Variants in ATP10B observed in about 807,000 individuals in gnomAD.
ATP10B encodes phospholipid-transporting ATPase VB.
In ATP10B, 122 loss-of-function variants were observed where a neutral mutation model predicts 141.2. The observed-to-expected ratio is 0.86, with a 90% confidence interval of 0.75 to 1.00. ATP10B has a LOEUF of 1.00. Ranked by LOEUF, ATP10B falls within the 50% of genes least tolerant of loss-of-function variation. The pLI is 0.00. For missense variants in ATP10B, 1,876 were observed against 1,825.3 expected, an observed-to-expected ratio of 1.03 and a Z score of -0.51; for synonymous variants, 685 against 692.0, an observed-to-expected ratio of 0.99 and a Z score of 0.16.
At chr5:160,597,612 T>C (rs1756797815) in intron 22 of ATP10B, among the ~76,000 whole-genome samples, 2 of 151,832 alleles carry the variant, frequency 1.3e-5, no homozygotes, top group South Asian at 4.2e-4. Context: ...ACAGGCAACC[T>C]ACAAAATGGG....
chr5:160,574,416 AGAGT>A (rs1020380095), intron 24 of ATP10B, among the ~76,000 whole-genome samples: 1 of 152,200 alleles, frequency 6.6e-6, no homozygotes, highest in African/African-American at 2.4e-5. Flanking sequence ...CTGGGTGACA[AGAGT>A]GAGATTCTAT....
chr5:160,606,632 A>T, intron 19 of ATP10B, 133 bp downstream of exon 19: 2 of 860,694 alleles, frequency 2.3e-6, no homozygotes, highest in South Asian at 1.8e-5. Context: ...TGTCATTTTG[A>T]ACTCTCTCCC....
At chr5:160,670,104 G>T (rs560738872) in intron 7 of ATP10B, among the ~76,000 whole-genome samples, 1 of 152,148 alleles carries the variant, frequency 6.6e-6, no homozygotes, top group South Asian at 2.1e-4. Flanking sequence ...GAGTGAGTTG[G>T]GATTGGATGA....
chr5:160,679,549 T>C (rs1054841665), intron 6 of ATP10B, among the ~76,000 whole-genome samples: 1 of 152,222 alleles, frequency 6.6e-6, no homozygotes, highest in Non-Finnish European at 1.5e-5. Flanking sequence ...TTTCTGCAGG[T>C]GGGTGGGTCA....
At chr5:160,794,851 C>A (rs939024341) in intron 1 of ATP10B, among the ~76,000 whole-genome samples, 1 of 152,108 alleles carries the variant, frequency 6.6e-6, no homozygotes, top group Non-Finnish European at 1.5e-5. Context: ...ATGTTTATTT[C>A]ATTAATAGCA....
chr5:160,893,629 T>G, the ATP10B span, among the ~76,000 whole-genome samples: 1 of 152,086 alleles, frequency 6.6e-6, no homozygotes, highest in Admixed American at 6.5e-5. Context: ...TCAGAAGACT[T>G]AAATATTCCT....
intron 11 of ATP10B, among the ~76,000 whole-genome samples, chr5:160,635,927 A>C (rs1429702610): frequency 6.6e-6 from 1 of 152,186 alleles, no homozygotes; most frequent in Non-Finnish European, 1.5e-5. Context: ...CTGTCATCTT[A>C]AATAGAAAAG....
chr5:160,832,406 C>CTAA (rs1775152459), intron 1 of ATP10B, among the ~76,000 whole-genome samples: 1 of 151,974 alleles, frequency 6.6e-6, no homozygotes, highest in East Asian at 1.9e-4. Context: ...TTTATATGTA[C>CTAA]TAATAGGGAA....
intron 15 of ATP10B, among the ~76,000 whole-genome samples, chr5:160,618,815 T>A (rs1758167204): frequency 6.6e-6 from 1 of 152,092 alleles, no homozygotes; most frequent in African/African-American, 2.4e-5. Flanking sequence ...CAGTCGCTTG[T>A]AAAACTGAGC....
chr5:160,798,374 T>A (rs1181596476), intron 1 of ATP10B, among the ~76,000 whole-genome samples: 1 of 152,214 alleles, frequency 6.6e-6, no homozygotes, highest in African/African-American at 2.4e-5. Flanking sequence ...GAAATTATAC[T>A]GGAGTAGAGT....
intron 3 of ATP10B, among the ~76,000 whole-genome samples, chr5:160,694,288 T>C (rs1266581449): frequency 6.6e-6 from 1 of 152,152 alleles, no homozygotes; most frequent in African/African-American, 2.4e-5. Context: ...AAGTTTAGGG[T>C]GGGGCACACC....
intron 5 of ATP10B, chr5:160,687,051 C>T: frequency 4.5e-6 from 3 of 671,858 alleles, no homozygotes; most frequent in Non-Finnish European, 3.7e-6. Flanking sequence ...GACTTCTGTC[C>T]ATCCCTTTTC....
chr5:160,645,963 C>A (rs1407334815), intron 8 of ATP10B, among the ~76,000 whole-genome samples: 1 of 152,108 alleles, frequency 6.6e-6, no homozygotes, highest in African/African-American at 2.4e-5. Context: ...TGCTATACTG[C>A]CACTCAATAT....
chr5:160,657,821 T>C lies in ATP10B; in HGVS notation c.676-8565A>G, dbSNP rs115378464. On this transcript the variant is annotated intron_variant, in intron 7 of 25. Coordinates refer to ENST00000327245, the MANE Select transcript of ATP10B (RefSeq NM_025153.3). Reference sequence around the variant, plus strand: ...TGTTTACTTCTGGGTCCCCAGAGCATGCTACAGCATCCGGCAGATAGAAGG... The same window carrying C: ...TGTTTACTTCTGGGTCCCCAGAGCACGCTACAGCATCCGGCAGATAGAAGG... Among the ~76,000 whole-genome samples, 356 of 152,328 alleles carry C rather than the reference T, an allele frequency of 2.3e-3. 2 individuals carry two copies. The highest frequency in any genetic ancestry group is 8.1e-3 in the African/African-American group (338 of 41,568).
At chr5:160,752,806 A>G (rs1210116728) in intron 2 of ATP10B, among the ~76,000 whole-genome samples, 1 of 152,192 alleles carries the variant, frequency 6.6e-6, no homozygotes, top group Non-Finnish European at 1.5e-5. Flanking sequence ...TTTAGGGAAG[A>G]AGTTTTTAAA....
At chr5:160,800,028 G>T (rs551160148) in intron 1 of ATP10B, among the ~76,000 whole-genome samples, 1 of 152,174 alleles carries the variant, frequency 6.6e-6, no homozygotes, top group East Asian at 1.9e-4. Context: ...GGCACCATTG[G>T]AGTTACAAGT....
intron 7 of ATP10B, among the ~76,000 whole-genome samples, chr5:160,667,230 AAAAACAAAAC>A (rs1292887724): frequency 6.6e-6 from 1 of 151,982 alleles, no homozygotes; most frequent in African/African-American, 2.4e-5. Flanking sequence ...AACAAAAACA[AAAAACAAAAC>A]AAAACAAAAC....
chr5:160,876,614 A>T, the ATP10B span, among the ~76,000 whole-genome samples: 9 of 151,864 alleles, frequency 5.9e-5, no homozygotes, highest in Non-Finnish European at 1.2e-4. Flanking sequence ...TTTTGAAAGG[A>T]TCAACAAAAT....
At chr5:160,638,210 G>C (rs571727454) in intron 10 of ATP10B, among the ~76,000 whole-genome samples, 1 of 152,328 alleles carries the variant, frequency 6.6e-6, no homozygotes, top group South Asian at 2.1e-4. Flanking sequence ...TGTATGAGTT[G>C]TTAATTCAGA....
Sources: allele counts gnomAD v4.1 joint callset (sites outside exome capture counted in the v4.1 genomes callset), GRCh38; gene constraint gnomAD v4.1.1; transcripts MANE v1.5; gene names NCBI Gene and HGNC (gene_info 2026-07-23, HGNC 2026-07-21).